The following ADAMTS17 variants were observed in gnomAD, a reference collection of about 807,000 sequenced individuals.
ADAMTS17 encodes ADAM metallopeptidase with thrombospondin type 1 motif 17.
Under a neutral mutation model 141.5 loss-of-function variants are expected in ADAMTS17, and 113 were observed. The observed-to-expected ratio is 0.80, with a 90% CI of 0.69 to 0.93. The LOEUF is 0.93. ADAMTS17 is among the 40% of genes least tolerant of loss of function. The probability of loss-of-function intolerance (pLI) is 0.00; values close to 1 mark genes in which losing one functional copy is unlikely to be tolerated. For missense variants in ADAMTS17, 1,659 were observed against 1,517.9 expected (o/e 1.09, Z -1.54); for synonymous variants, 768 against 630.6 (o/e 1.22, Z -3.27).
At chr15:99,976,668 G>A (rs1001600777) in intron 20 of ADAMTS17, 1 of 270,306 alleles carries the variant, frequency 3.7e-6, no homozygotes, top group African/African-American at 2.2e-5. Flanking sequence ...TGTGAGAAGG[G>A]AAAGAGACCC....
At position 99,998,035 on chromosome 15, in the gene ADAMTS17, T is replaced by C. The variant is rs148771776; in HGVS notation, c.2592-446A>G. Among the ~76,000 whole-genome samples, 1,219 of 152,286 alleles carry C rather than the reference T, an allele frequency of 8.0e-3. 15 individuals carry two copies. Among genetic ancestry groups the C allele is most frequent in the Non-Finnish European group, 8.2e-3 (558 of 68,020 alleles). ...GGGAGAACAGTCCCAGTACAGGGAATGTCCCTACAGACAGCCCGCACCACT... is the reference window on the plus strand; with the variant it reads ...GGGAGAACAGTCCCAGTACAGGGAACGTCCCTACAGACAGCCCGCACCACT... On this transcript the variant is annotated intron_variant, in intron 18 of 21. Transcript: ENST00000268070.
At chr15:100,284,503 G>T (rs1021553043) in intron 3 of ADAMTS17, among the ~76,000 whole-genome samples, 1 of 152,308 alleles carries the variant, frequency 6.6e-6, no homozygotes, top group East Asian at 1.9e-4. Flanking sequence ...CCTGGATTTT[G>T]GAACTGCAGG....
intron 18 of ADAMTS17, among the ~76,000 whole-genome samples, chr15:100,030,429 C>T (rs2030030305): frequency 6.6e-6 from 1 of 152,214 alleles, no homozygotes; most frequent in South Asian, 2.1e-4. Flanking sequence ...CAGCCTTTCA[C>T]ATCCACCCAC....
intron 7 of ADAMTS17, among the ~76,000 whole-genome samples, chr15:100,251,150 C>T (rs1191921258): frequency 2.0e-5 from 3 of 152,194 alleles, no homozygotes; most frequent in Non-Finnish European, 2.9e-5. Context: ...AGAAAGAACA[C>T]GTACTGGGGA....
intron 3 of ADAMTS17, among the ~76,000 whole-genome samples, chr15:100,292,945 C>T (rs1284623003): frequency 1.3e-5 from 2 of 152,188 alleles, no homozygotes; most frequent in Non-Finnish European, 2.9e-5. Context: ...CAAGGAAGAC[C>T]CCACAGAGGG....
At chr15:100,197,580 C>A (rs1307283103) in intron 8 of ADAMTS17, among the ~76,000 whole-genome samples, 1 of 152,076 alleles carries the variant, frequency 6.6e-6, no homozygotes, top group African/African-American at 2.4e-5. Flanking sequence ...GAATTGTCGC[C>A]AGTATTTTTA....
intron 3 of ADAMTS17, among the ~76,000 whole-genome samples, chr15:100,313,728 T>C (rs1418326133): frequency 6.6e-6 from 1 of 151,168 alleles, no homozygotes; most frequent in Admixed American, 6.6e-5. Flanking sequence ...ACCCCAAATG[T>C]CACCATGAAG....
intron 7 of ADAMTS17, among the ~76,000 whole-genome samples, chr15:100,217,949 G>T (rs142561011): frequency 6.6e-4 from 100 of 152,296 alleles, no homozygotes; most frequent in African/African-American, 2.3e-3. Flanking sequence ...GCTACAATCA[G>T]TGCTCACTGC....
chr15:99,975,573 G>A (rs1353747222), intron 21 of ADAMTS17, among the ~76,000 whole-genome samples: 2 of 152,114 alleles, frequency 1.3e-5, no homozygotes, highest in African/African-American at 4.8e-5. Context: ...ACTGGTAAGA[G>A]GCCAGGTTCC....
intron 3 of ADAMTS17, among the ~76,000 whole-genome samples, chr15:100,301,334 TATA>T: frequency 6.7e-6 from 1 of 148,844 alleles, no homozygotes; most frequent in South Asian, 2.1e-4. Context: ...TATATATATA[TATA>T]TATTTTTCTG....
At chr15:100,207,539 G>A (rs1181097157) in intron 7 of ADAMTS17, among the ~76,000 whole-genome samples, 17 of 152,182 alleles carry the variant, frequency 1.1e-4, no homozygotes, top group Non-Finnish European at 2.5e-4. Context: ...AATGCGCCAT[G>A]GGCTTGGCCT....
chr15:100,171,416 G>T (rs570334982), intron 8 of ADAMTS17, among the ~76,000 whole-genome samples: 1 of 152,244 alleles, frequency 6.6e-6, no homozygotes, highest in South Asian at 2.1e-4. Context: ...ATCCCACCTC[G>T]CAGGGCTATG....
At chr15:100,335,937 CA>C (rs2046196080) in intron 2 of ADAMTS17, among the ~76,000 whole-genome samples, 1 of 152,184 alleles carries the variant, frequency 6.6e-6, no homozygotes, top group Non-Finnish European at 1.5e-5. Context: ...AAAAGTTAAC[CA>C]ACCACTCTGC....
Position 100,052,351 on chromosome 15 carries a change from G to C in ADAMTS17, c.2296-620C>G, listed in dbSNP as rs184128885. Among the ~76,000 whole-genome samples, 24 of 152,274 alleles carry C rather than the reference G, an allele frequency of 1.6e-4. No individual in the cohort carries two copies. In the East Asian group the frequency reaches 1.7e-3, roughly 11 times the overall value. On this transcript the variant is annotated intron_variant, in intron 16 of 21. Coordinates refer to ENST00000268070, the MANE Select transcript of ADAMTS17 (RefSeq NM_139057.4). ...CATGGCTTTCTATATAGAGGCAAAG[G>C]GGCACCTCTCATTTTCAGTTTTAAA...
At chr15:100,106,515 A>C (rs1254015094) in intron 14 of ADAMTS17, among the ~76,000 whole-genome samples, 1 of 152,228 alleles carries the variant, frequency 6.6e-6, no homozygotes, top group African/African-American at 2.4e-5. Context: ...GCTGTGATTA[A>C]AACCAAGATC....
intron 10 of ADAMTS17, among the ~76,000 whole-genome samples, chr15:100,139,804 G>T (rs2038531362): frequency 6.6e-6 from 1 of 152,154 alleles, no homozygotes; most frequent in South Asian, 2.1e-4. Flanking sequence ...GAAAAGGAAA[G>T]GCTGAGGAAC....
chr15:100,194,534 C>G (rs1391416526), intron 8 of ADAMTS17, among the ~76,000 whole-genome samples: 2 of 152,174 alleles, frequency 1.3e-5, no homozygotes, highest in African/African-American at 4.8e-5. Context: ...CCTCCTTGAT[C>G]TGGGTTTTAT....
intron 15 of ADAMTS17, among the ~76,000 whole-genome samples, chr15:100,070,926 A>G (rs1229173928): frequency 6.7e-6 from 1 of 150,096 alleles, no homozygotes; most frequent in African/African-American, 2.5e-5. Flanking sequence ...GACACAAAAA[A>G]CCCTTCAAAA....
At chr15:100,081,698 G>C (rs551361093) in intron 15 of ADAMTS17, among the ~76,000 whole-genome samples, 12 of 152,252 alleles carry the variant, frequency 7.9e-5, no homozygotes, top group Admixed American at 7.2e-4. Context: ...CACTATACGA[G>C]AGTAAACGTT....
Sources: gnomAD v4.1 joint callset for allele counts (sites outside exome capture counted in the v4.1 genomes callset) on GRCh38, gnomAD v4.1.1 for gene constraint, MANE v1.5 for transcripts, NCBI Gene and HGNC (gene_info 2026-07-23, HGNC 2026-07-21) for gene names.